SOHLH1: variants seen among roughly 807,000 people sequenced by gnomAD.
SOHLH1 encodes spermatogenesis and oogenesis specific basic helix-loop-helix 1.
SOHLH1 carries 23 observed loss-of-function variants against 36.2 expected under a neutral mutation model. That is an observed-to-expected ratio of 0.64 (90% CI 0.46 to 0.90). The LOEUF (loss-of-function observed/expected upper bound fraction) is 0.90, where lower values mean the gene tolerates loss of function less well. SOHLH1 is among the 40% of genes least tolerant of loss of function. The pLI, the probability that SOHLH1 is intolerant of heterozygous loss-of-function variation, is 0.00. For synonymous variants in SOHLH1, 289 were observed against 228.3 expected, an observed-to-expected ratio of 1.27 and a Z score of -2.40; for missense variants, 608 against 517.0, an observed-to-expected ratio of 1.18 and a Z score of -1.71.
Position 135,694,417 on chromosome 9 carries a change from G to T in SOHLH1, c.916C>A (p.Leu306Met), listed in dbSNP as rs144035874. ...GSDVDDGTSF[L>M]LTAGPSSWPG... ...CACGAGCTGGGACCAGCAGTCAGCAGGAAGGACGTCCCATCGTCCACATCA... is the reference window on the plus strand; with the variant it reads ...CACGAGCTGGGACCAGCAGTCAGCATGAAGGACGTCCCATCGTCCACATCA... Residue 306 changes from leucine to methionine, a missense_variant, in exon 7 of 8, where the codon CTG becomes ATG. Physicochemically the swap from Leu to Met is conservative, Grantham distance 15. Coordinates refer to ENST00000425225, the MANE Select transcript of SOHLH1 (RefSeq NM_001101677.2). The T allele has an allele frequency of 3.9e-3, 6,339 of 1,613,312 alleles. 39 individuals carry two copies. The highest frequency in any genetic ancestry group is 0.014 in the South Asian group (1,294 of 91,072).
At chr9:135,696,437 G>T (rs959017731) in intron 5 of SOHLH1, among the ~76,000 whole-genome samples, 175 bp downstream of exon 5, 1 of 152,118 alleles carries the variant, frequency 6.6e-6, no homozygotes, top group African/African-American at 2.4e-5. Context: ...AGCAGGCACA[G>T]CCCGGGGGCC....
chr9:135,700,587 G>A (rs1331967222), upstream of SOHLH1, among the ~76,000 whole-genome samples: 2 of 152,196 alleles, frequency 1.3e-5, no homozygotes, highest in African/African-American at 4.8e-5. Context: ...CCACCACACG[G>A]GGACGTCTGT....
upstream of SOHLH1, among the ~76,000 whole-genome samples, chr9:135,701,524 G>A (rs1239174170): frequency 6.6e-6 from 1 of 152,248 alleles, no homozygotes; most frequent in African/African-American, 2.4e-5. Context: ...GGGAAAGGGG[G>A]CCCGCAGGGG....
At chr9:135,695,881 G>A (rs1474811383) in intron 5 of SOHLH1, among the ~76,000 whole-genome samples, 1 of 152,218 alleles carries the variant, frequency 6.6e-6, no homozygotes, top group Non-Finnish European at 1.5e-5. Context: ...GGGAACAGCT[G>A]GGAGGCCTCG....
rs560241278 is a variant in SOHLH1, at chr9:135,698,588, G to A, written c.198-112C>T. 30 of 1,466,956 alleles carry A rather than the reference G, an allele frequency of 2.0e-5. No individual in the cohort carries two copies. The South Asian group carries it at 3.3e-4, about 16-fold the overall frequency. 90.9% of individuals were successfully genotyped at this position (1,466,956 alleles called of 1,614,324 possible). ...CCTGGGCGCTTGTCAGGCAGAGGGG[G>A]CTACAAGATGACTCAGAGCTGCCCC... On this transcript the variant is annotated intron_variant, in intron 2 of 7. Coordinates refer to ENST00000425225, the MANE Select transcript of SOHLH1 (RefSeq NM_001101677.2).
chr9:135,697,158 A>G (rs1834835942), intron 4 of SOHLH1, among the ~76,000 whole-genome samples: 1 of 152,224 alleles, frequency 6.6e-6, no homozygotes, highest in Admixed American at 6.5e-5. Context: ...TCTTGACTTC[A>G]GAAAACTGCA....
At chr9:135,695,549 C>T (rs1297435787) in intron 5 of SOHLH1, among the ~76,000 whole-genome samples, 1 of 152,096 alleles carries the variant, frequency 6.6e-6, no homozygotes, top group Non-Finnish European at 1.5e-5. Flanking sequence ...GATCTGGGGA[C>T]CCTCTCAGCA....
At chr9:135,697,689 C>T (rs1288139070) in intron 3 of SOHLH1, 62 bp from the exon 4 acceptor site, 6 of 1,571,556 alleles carry the variant, frequency 3.8e-6, no homozygotes, top group East Asian at 2.3e-5. Flanking sequence ...ACCCAAGACA[C>T]GGTGACAAGA....
At chr9:135,694,553 GA>G (rs1314989714) in intron 6 of SOHLH1, 96 bp from the exon 7 acceptor site, 11 of 1,509,604 alleles carry the variant, frequency 7.3e-6, no homozygotes, top group Non-Finnish European at 3.6e-6. Flanking sequence ...AGGCAGCTTC[GA>G]ATGCAAAGAT....
rs113501683 is a variant in SOHLH1 at position 135,696,326 on chromosome 9, G to A, written c.661+286C>T. On this transcript the variant is annotated intron_variant, in intron 5 of 7. Transcript: ENST00000425225. ...CACATGGAAGTCCCAGGAGGAGACA[G>A]GATAGAAGGAACAGCTCCCATGGTG... Among the ~76,000 whole-genome samples the A allele has an allele frequency of 1.4e-3, 220 of 152,252 alleles. 1 individual carries two copies. The highest frequency in any genetic ancestry group is 5.1e-3 in the African/African-American group (212 of 41,522).
intron 7 of SOHLH1, 32 bp downstream of exon 7, chr9:135,694,355 G>T (rs763565557): frequency 6.8e-6 from 11 of 1,611,800 alleles, no homozygotes; most frequent in Non-Finnish European, 8.5e-6. Context: ...CTTACGCGGG[G>T]GGACCAGCCC....
upstream of SOHLH1, among the ~76,000 whole-genome samples, chr9:135,700,202 C>T (rs1163584885): frequency 6.6e-6 from 1 of 152,174 alleles, no homozygotes; most frequent in Non-Finnish European, 1.5e-5. Flanking sequence ...CCAGCTCGAC[C>T]CCTCACCTCA....
chr9:135,702,059 C>G (rs1465825642), upstream of SOHLH1: 4 of 536,382 alleles, frequency 7.5e-6, no homozygotes, highest in Non-Finnish European at 1.3e-5. Flanking sequence ...CCGTCCCAGC[C>G]TGGGCCAGAG....
At position 135,693,811 on chromosome 9, in the gene SOHLH1, G is replaced by A. The variant is rs1178416275; in HGVS notation, c.950C>T (p.Ser317Phe). 6.4e-7 allele frequency: 1 copy of A among 1,564,418 alleles called. No individual in the cohort carries two copies. Among genetic ancestry groups the A allele is most frequent in the East Asian group, 2.4e-5 (1 of 41,952 alleles). The change falls in exon 8 of 8, where the codon TCT (serine) becomes TTT (phenylalanine). Residue 317 changes from serine to phenylalanine, a missense_variant. Transcript: ENST00000425225. The part of the protein sequence containing the change: ...LTAGPSSWPG[S>F]LEGRGGSGPA... ...GCCACTGCCTCCTCGACCCTCCAGA[G>A]ACCCTGGAAGCAAACAGGACACATC...
At chr9:135,694,272 G>T in intron 7 of SOHLH1, 115 bp downstream of exon 7, 1 of 1,564,536 alleles carries the variant, frequency 6.4e-7, no homozygotes. Context: ...GAAAACGGGG[G>T]CTCAGACACA....
chr9:135,700,299 C>T (rs551923588), upstream of SOHLH1, among the ~76,000 whole-genome samples: 1 of 152,200 alleles, frequency 6.6e-6, no homozygotes, highest in East Asian at 1.9e-4. Flanking sequence ...CTCACCTCCC[C>T]GCTGAACTCC....
chr9:135,695,364 G>C lies in SOHLH1; in HGVS notation c.662-101C>G, dbSNP rs529080738. 3.6e-5 allele frequency: 39 copies of C among 1,075,662 alleles called. No individual in the cohort carries two copies. In the East Asian group the frequency reaches 9.2e-4, roughly 25 times the overall value. The allele number at this position is 1,075,662 out of a possible 1,614,324, so 66.6% of individuals were successfully genotyped here. A position where few individuals can be genotyped will look rare whatever the true frequency, so the allele number is the denominator to read the frequency against. ...CGGGCTCGGTCCACTCACACTGACC[G>C]AGCACCTGCTCTGCTGCCTGCACCC... On this transcript the variant is annotated intron_variant, in intron 5 of 7. Coordinates refer to ENST00000425225, the MANE Select transcript of SOHLH1 (RefSeq NM_001101677.2).
At position 135,697,779 on chromosome 9, in the gene SOHLH1, G is replaced by C; in HGVS notation, c.346-152C>G. 7.4e-6 allele frequency: 7 copies of C among 940,152 alleles called. No homozygotes were observed. The South Asian group carries it at 1.0e-4, about 13-fold the overall frequency. The allele number at this position is 940,152 out of a possible 1,614,324, so 58.2% of individuals were successfully genotyped here. A position where few individuals can be genotyped will look rare whatever the true frequency, so the allele number is the denominator to read the frequency against. ...GGGGGCGAGAGTACAGGTTGACAAC[G>C]AGGCTGAGGTTCCACCCCCGAAAGG... On this transcript the variant is annotated intron_variant, in intron 3 of 7. Coordinates refer to ENST00000425225, the MANE Select transcript of SOHLH1 (RefSeq NM_001101677.2).
chr9:135,693,496 G>A lies in SOHLH1; in HGVS notation c.*101C>T, dbSNP rs902640090. Reference sequence around the variant, plus strand: ...TAAGCCTCGCTCAAATTAGGGTGCAGCTGCAACCCAAACCCAAAATAAAAT... The same window carrying A: ...TAAGCCTCGCTCAAATTAGGGTGCAACTGCAACCCAAACCCAAAATAAAAT... On this transcript the variant is annotated 3_prime_UTR_variant, in exon 8 of 8. Coordinates refer to ENST00000425225, the MANE Select transcript of SOHLH1 (RefSeq NM_001101677.2). 2.8e-6 allele frequency: 4 copies of A among 1,436,274 alleles called. No homozygotes were observed. Among genetic ancestry groups the A allele is most frequent in the African/African-American group, 1.4e-5 (1 of 70,064 alleles). 89.0% of individuals were successfully genotyped at this position (1,436,274 alleles called of 1,614,324 possible).
Sources: gnomAD v4.1 joint callset for allele counts (sites outside exome capture counted in the v4.1 genomes callset) on GRCh38, gnomAD v4.1.1 for gene constraint, MANE v1.5 for transcripts, NCBI Gene and HGNC (gene_info 2026-07-23, HGNC 2026-07-21) for gene names.